LHX9: variants seen among roughly 807,000 people sequenced by gnomAD.
LHX9 encodes the protein LIM homeobox 9.
LHX9 carries 9 observed loss-of-function variants against 36.5 expected under a neutral mutation model. The observed-to-expected ratio is 0.25, with a 90% confidence interval of 0.15 to 0.43. The LOEUF (loss-of-function observed/expected upper bound fraction) is 0.43, where lower values mean the gene tolerates loss of function less well. LHX9 is among the 20% of genes least tolerant of loss of function. LHX9 has a pLI of 1.00. For synonymous variants in LHX9, 211 were observed against 212.1 expected, an observed-to-expected ratio of 0.99 and a Z score of 0.04; for missense variants, 464 against 526.4, an observed-to-expected ratio of 0.88 and a Z score of 1.16.
At chr1:197,918,105 T>C (rs1464300088) in intron 1 of LHX9, 108 bp downstream of exon 1, 1 of 1,245,834 alleles carries the variant, frequency 8.0e-7, no homozygotes, top group African/African-American at 1.5e-5. Flanking sequence ...CGTAGAGACG[T>C]CCGCTTGAGG....
chr1:197,918,516 A>G, intron 1 of LHX9: 1 of 624,938 alleles, frequency 1.6e-6, no homozygotes, highest in Admixed American at 2.6e-5. Context: ...TGGGACCCCT[A>G]ACCGAGAGAA....
intron 1 of LHX9, 118 bp from the exon 2 acceptor site, chr1:197,919,854 A>C (rs1571400284): frequency 1.1e-6 from 1 of 944,924 alleles, no homozygotes; most frequent in South Asian, 1.5e-5. Flanking sequence ...TGTGCAGTGG[A>C]CCCTGGCCCC....
At chr1:197,927,466 T>C (rs1466566578) in intron 3 of LHX9, 125 bp from the exon 4 acceptor site, 3 of 783,248 alleles carry the variant, frequency 3.8e-6, no homozygotes, top group Admixed American at 1.9e-5. Context: ...ATACTACTCA[T>C]AATTGGGTTG....
chr1:197,923,645 T>G (rs1660061147), intron 3 of LHX9, among the ~76,000 whole-genome samples: 1 of 152,184 alleles, frequency 6.6e-6, no homozygotes, highest in Non-Finnish European at 1.5e-5. Flanking sequence ...ACTTTTTGAT[T>G]GTTTATTTAA....
At chr1:197,927,932 G>T (rs1216523579) in intron 4 of LHX9, 139 bp downstream of exon 4, 6 of 845,930 alleles carry the variant, frequency 7.1e-6, no homozygotes, top group Non-Finnish European at 1.1e-5. Flanking sequence ...TCCCTAGAGG[G>T]TGTTCTGAGA....
chr1:197,914,120 C>T (rs1238619191), upstream of LHX9, among the ~76,000 whole-genome samples: 2 of 152,178 alleles, frequency 1.3e-5, no homozygotes, highest in Non-Finnish European at 2.9e-5. Flanking sequence ...TTCCTAAAAG[C>T]GGCAACAGTA....
intron 3 of LHX9, among the ~76,000 whole-genome samples, chr1:197,925,423 T>C (rs1324823097): frequency 6.6e-6 from 1 of 152,212 alleles, no homozygotes; most frequent in Non-Finnish European, 1.5e-5. Flanking sequence ...GTCCCAAGTG[T>C]GAAATTCAAT....
At chr1:197,916,546 C>T (rs1659762069), upstream of LHX9, 11 of 632,386 alleles carry the variant, frequency 1.7e-5, no homozygotes, top group South Asian at 1.6e-4. Context: ...TCCTTCAAAC[C>T]TGAACCGGGG....
At chr1:197,916,171 G>T, upstream of LHX9, 1 of 153,616 alleles carries the variant, frequency 6.5e-6, no homozygotes, top group Non-Finnish European at 1.5e-5. Context: ...GGGGCCTCTG[G>T]CCGTTTGAAT....
At chr1:197,919,240 G>C (rs1183842339) in intron 1 of LHX9, among the ~76,000 whole-genome samples, 1 of 152,236 alleles carries the variant, frequency 6.6e-6, no homozygotes, top group Non-Finnish European at 1.5e-5. Context: ...GACCCAGAGG[G>C]AAGCATAACT....
chr1:197,927,203 CTG>C lies in LHX9; in HGVS notation c.734-385_734-384del, dbSNP rs552303707. 3.2e-4 allele frequency among the ~76,000 whole-genome samples: 49 copies of C among 152,274 alleles called. No individual in the cohort carries two copies. In the South Asian group the frequency reaches 9.9e-3, roughly 31 times the overall value. On this transcript the variant is annotated intron_variant, in intron 3 of 4. Transcript: ENST00000367387. ...AGACAAAAGGTAGAGTCTTAAAACA[CTG>C]TGAGTGTGGGCAGTGGGGAGCTGGT...
chr1:197,916,107 C>T (rs1659742446), upstream of LHX9: 2 of 152,654 alleles, frequency 1.3e-5, no homozygotes, highest in Non-Finnish European at 2.9e-5. Context: ...GCGTCCTCCT[C>T]TCTGGGTAAA....
rs943772824 is a variant in LHX9 at position 197,922,868 on chromosome 1, G to A, written c.733+1209G>A. Reference sequence around the variant, plus strand: ...GCCTGTTTTTCTCTTCCAGTTCCCAGGGCCTGGTATGGTGCCTGACATTGC... The same window carrying A: ...GCCTGTTTTTCTCTTCCAGTTCCCAAGGCCTGGTATGGTGCCTGACATTGC... On this transcript the variant is annotated intron_variant, in intron 3 of 4. Transcript: ENST00000367387. Among the ~76,000 whole-genome samples the A allele has an allele frequency of 6.0e-4, 91 of 152,188 alleles. 1 individual carries two copies.
At chr1:197,923,728 T>G (rs1451149744) in intron 3 of LHX9, among the ~76,000 whole-genome samples, 1 of 152,204 alleles carries the variant, frequency 6.6e-6, no homozygotes. Context: ...CAGTAGAATT[T>G]AGATTCTTTT....
At chr1:197,922,116 A>G (rs1339538070) in intron 3 of LHX9, among the ~76,000 whole-genome samples, 1 of 152,126 alleles carries the variant, frequency 6.6e-6, no homozygotes, top group African/African-American at 2.4e-5. Flanking sequence ...GGCTGTGGTC[A>G]CCAGCCCAAA....
intron 1 of LHX9, among the ~76,000 whole-genome samples, chr1:197,919,758 C>T (rs1571400213): frequency 6.6e-6 from 1 of 152,228 alleles, no homozygotes; most frequent in African/African-American, 2.4e-5. Context: ...CCCGGGAGGA[C>T]GCGAACGCCG....
intron 1 of LHX9, chr1:197,918,434 C>T (rs1659850541): frequency 1.1e-5 from 8 of 715,170 alleles, no homozygotes; most frequent in Non-Finnish European, 2.1e-5. Context: ...AGTCTCTGGG[C>T]CTGATGACCG....
rs917341766 is a variant in LHX9, at chr1:197,934,206, G to A, written c.*4947G>A. Reference sequence around the variant, plus strand: ...TAGCTTTATTTAGCAAAATCCCAGTGGAATCTACCACACATTCTTTTATAA... The same window carrying A: ...TAGCTTTATTTAGCAAAATCCCAGTAGAATCTACCACACATTCTTTTATAA... On this transcript the variant is annotated 3_prime_UTR_variant, in exon 5 of 5. Coordinates refer to ENST00000367387, the MANE Select transcript of LHX9 (RefSeq NM_020204.3). The A allele has an allele frequency of 2.6e-5, 4 of 152,090 alleles. No homozygotes were observed. The highest frequency in any genetic ancestry group is 9.7e-5 in the African/African-American group (4 of 41,418). 9.4% of individuals were successfully genotyped at this position (152,090 alleles called of 1,614,324 possible).
In LHX9 at chr1:197,928,920, G is replaced by GA. The variant is rs1320366898; in HGVS notation, c.937-75dup. 7.7e-6 allele frequency: 10 copies of GA among 1,304,360 alleles called. No individual in the cohort carries two copies. The African/African-American group carries it at 1.2e-4, about 16-fold the overall frequency. 80.8% of individuals were successfully genotyped at this position (1,304,360 alleles called of 1,614,324 possible). On this transcript the variant is annotated intron_variant, in intron 4 of 4. Coordinates refer to ENST00000367387, the MANE Select transcript of LHX9 (RefSeq NM_020204.3). ...AAAAAAAAAAAGAAAGAAAGAAAAAGAAAAAAAGAAAAAGTGAGAGAGAAA... is the reference window on the plus strand; with the variant it reads ...AAAAAAAAAAAGAAAGAAAGAAAAAGAAAAAAAAGAAAAAGTGAGAGAGAAA...
Sources: gnomAD v4.1 joint callset for allele counts (sites outside exome capture counted in the v4.1 genomes callset) on GRCh38, gnomAD v4.1.1 for gene constraint, MANE v1.5 for transcripts, NCBI Gene and HGNC (gene_info 2026-07-23, HGNC 2026-07-21) for gene names.